Variants in NXNL2 observed in about 807,000 individuals in gnomAD.
NXNL2 encodes the protein nucleoredoxin-like protein 2.
In NXNL2, 7 loss-of-function variants were observed where a neutral mutation model predicts 11.1. The observed-to-expected ratio is 0.63, with a 90% CI of 0.36 to 1.18. The LOEUF is 1.18. Ranked by LOEUF, NXNL2 falls within the 50% of genes most tolerant of loss-of-function variation. The pLI is 0.02. For synonymous variants in NXNL2, 109 were observed against 101.8 expected (o/e 1.07, Z -0.42); for missense variants, 233 against 217.7 (o/e 1.07, Z -0.44).
chr9:88,563,239 C>T (rs1330243872), intron 1 of NXNL2, among the ~76,000 whole-genome samples: 1 of 152,076 alleles, frequency 6.6e-6, no homozygotes, highest in African/African-American at 2.4e-5. Context: ...CATGCATGCT[C>T]ACACATATGT....
At chr9:88,567,006 A>G (rs911772895) in intron 1 of NXNL2, among the ~76,000 whole-genome samples, 1 of 151,720 alleles carries the variant, frequency 6.6e-6, no homozygotes, top group African/African-American at 2.4e-5. Context: ...CTATCTATCT[A>G]TCTATCTATC....
intron 1 of NXNL2, among the ~76,000 whole-genome samples, chr9:88,543,621 T>C (rs962332198): frequency 1.3e-5 from 2 of 152,210 alleles, no homozygotes; most frequent in Non-Finnish European, 2.9e-5. Flanking sequence ...CCTTGAGATG[T>C]AGAGGACATA....
chr9:88,568,646 T>C (rs1830213915), intron 1 of NXNL2, among the ~76,000 whole-genome samples: 1 of 152,256 alleles, frequency 6.6e-6, no homozygotes, highest in Non-Finnish European at 1.5e-5. Context: ...TGATTTTCTG[T>C]ATCATTATAA....
intron 1 of NXNL2, among the ~76,000 whole-genome samples, chr9:88,557,737 A>G (rs181962360): frequency 2.0e-5 from 3 of 152,326 alleles, no homozygotes; most frequent in African/African-American, 7.2e-5. Flanking sequence ...AGCCCAGAAA[A>G]CCAGCCAACC....
intron 1 of NXNL2, among the ~76,000 whole-genome samples, chr9:88,544,111 C>T (rs556176553): frequency 6.6e-6 from 1 of 152,268 alleles, no homozygotes; most frequent in South Asian, 2.1e-4. Context: ...GTGGAGGTTG[C>T]AGTGAGCCGA....
At chr9:88,562,982 G>A (rs1830107089) in intron 1 of NXNL2, among the ~76,000 whole-genome samples, 1 of 151,884 alleles carries the variant, frequency 6.6e-6, no homozygotes. Flanking sequence ...CAGCTACTCG[G>A]GAGGCTGAGG....
At chr9:88,561,884 A>C (rs1830089789) in intron 1 of NXNL2, among the ~76,000 whole-genome samples, 1 of 152,210 alleles carries the variant, frequency 6.6e-6, no homozygotes, top group South Asian at 2.1e-4. Context: ...TCATACAGCC[A>C]TTTGAGAAAT....
At chr9:88,556,589 C>G (rs562114961) in intron 1 of NXNL2, among the ~76,000 whole-genome samples, 120 of 152,202 alleles carry the variant, frequency 7.9e-4, no homozygotes, top group African/African-American at 2.8e-3. Flanking sequence ...ATAAAAGCAT[C>G]AAGGAAGTTC....
At chr9:88,545,667 T>C (rs531612448), downstream of NXNL2, among the ~76,000 whole-genome samples, 3 of 152,204 alleles carry the variant, frequency 2.0e-5, no homozygotes, top group South Asian at 6.2e-4. Context: ...AAGGATGCAT[T>C]TACACTAACC....
chr9:88,580,920 G>A (rs1042129280), intron 1 of NXNL2, among the ~76,000 whole-genome samples: 2 of 152,086 alleles, frequency 1.3e-5, no homozygotes. Flanking sequence ...TGATTTTGTG[G>A]CACGTTCCTC....
intron 1 of NXNL2, chr9:88,539,782 G>T (rs1829710323): frequency 6.6e-6 from 1 of 152,082 alleles, no homozygotes; most frequent in African/African-American, 2.4e-5. Flanking sequence ...CTGCCTCCTG[G>T]GTTCAAGTGA....
downstream of NXNL2, among the ~76,000 whole-genome samples, chr9:88,577,309 C>T (rs1268906463): frequency 3.3e-5 from 5 of 150,440 alleles, no homozygotes; most frequent in African/African-American, 4.9e-5. Context: ...GCGGGGGGGG[C>T]GGCATGAGAC....
rs1829582010 is a variant in NXNL2 at position 88,535,384 on chromosome 9, A to G, written c.-51A>G. On this transcript the variant is annotated 5_prime_UTR_variant, in exon 1 of 2. Coordinates refer to ENST00000375854, the MANE Select transcript of NXNL2 (RefSeq NM_001161625.2). Reference sequence around the variant, plus strand: ...GCTCGCCGCCGCCTCCCCGCAGGTGATCATCCTCCTGCAGGTGTCCTCGGG... The same window carrying G: ...GCTCGCCGCCGCCTCCCCGCAGGTGGTCATCCTCCTGCAGGTGTCCTCGGG... 5.4e-6 allele frequency: 8 copies of G among 1,487,428 alleles called. No individual in the cohort carries two copies. Among genetic ancestry groups the G allele is most frequent in the Non-Finnish European group, 7.1e-6 (8 of 1,122,712 alleles). The allele number at this position is 1,487,428 out of a possible 1,614,324, so 92.1% of individuals were successfully genotyped here.
At chr9:88,553,897 A>G (rs1223366252) in intron 1 of NXNL2, among the ~76,000 whole-genome samples, 1 of 152,130 alleles carries the variant, frequency 6.6e-6, no homozygotes, top group African/African-American at 2.4e-5. Flanking sequence ...AATGATCTTT[A>G]TTCCTCTTTC....
intron 1 of NXNL2, among the ~76,000 whole-genome samples, chr9:88,562,160 G>A (rs1298274641): frequency 6.6e-6 from 1 of 152,164 alleles, no homozygotes; most frequent in Non-Finnish European, 1.5e-5. Context: ...TTAATGTGGA[G>A]GAAAAGGAGC....
rs1554706786 is a variant in NXNL2 at position 88,566,973 on chromosome 9, C to CATTTATCTATCT, written c.303-4112_303-4111insTTATCTATCTAT. ...AATCTATCATCTTTCTATTATCTAT[C>CATTTATCTATCT]ATCTATCTATCTATCTATCTATCTA... On this transcript the variant is annotated intron_variant, in intron 1 of 2. Transcript: ENST00000375855. Among the ~76,000 whole-genome samples, 16 of 123,472 alleles carry CATTTATCTATCT rather than the reference C, an allele frequency of 1.3e-4. 1 individual carries two copies. The highest frequency in any genetic ancestry group is 1.2e-3 in the Admixed American group (15 of 12,448). The allele number at this position is 123,472 out of a possible 152,430, so 81.0% of individuals were successfully genotyped here. A position where few individuals can be genotyped will look rare whatever the true frequency, so the allele number is the denominator to read the frequency against.
chr9:88,574,802 T>G (rs755693759), intron 2 of NXNL2, among the ~76,000 whole-genome samples: 21 of 152,048 alleles, frequency 1.4e-4, no homozygotes, highest in Non-Finnish European at 2.5e-4. Context: ...TCGAATGGAT[T>G]TTTGCGAAGA....
rs774374796 is a variant in NXNL2, at chr9:88,535,461, C to T, written c.27C>T (p.His9=). 6 of 1,606,148 alleles carry T rather than the reference C, an allele frequency of 3.7e-6. No individual in the cohort carries two copies. The Admixed American group carries it at 5.0e-5, about 13-fold the overall frequency. Residue 9 remains histidine (H), a synonymous_variant, in exon 1 of 2, where the codon CAC becomes CAT. Coordinates refer to ENST00000375854, the MANE Select transcript of NXNL2 (RefSeq NM_001161625.2). The part of the protein sequence containing the change: MVDILGER[H]LVTCKGATVE... The stretch of plus-strand genomic sequence containing the variant: ...TGGTTGACATTCTGGGCGAGCGGCA[C>T]CTGGTGACCTGTAAGGGCGCGACGG...
At chr9:88,574,156 A>G (rs1245609834) in intron 2 of NXNL2, among the ~76,000 whole-genome samples, 1 of 152,232 alleles carries the variant, frequency 6.6e-6, no homozygotes, top group Non-Finnish European at 1.5e-5. Context: ...TGCCCCAGAA[A>G]GGCATATACA....
Sources: allele counts gnomAD v4.1 joint callset (sites outside exome capture counted in the v4.1 genomes callset), GRCh38; gene constraint gnomAD v4.1.1; transcripts MANE v1.5; gene names NCBI Gene and HGNC (gene_info 2026-07-23, HGNC 2026-07-21).